Variants in PBX3 observed in about 807,000 individuals in gnomAD.
The protein encoded by PBX3 is pre-B-cell leukemia transcription factor 3.
In PBX3, 14 loss-of-function variants were observed where a neutral mutation model predicts 48.5. The observed-to-expected ratio is 0.29, with a 90% CI of 0.19 to 0.45. PBX3 has a LOEUF of 0.45. Among genes scored for constraint, PBX3 ranks in the 20% least tolerant of loss-of-function variants. PBX3 has a pLI of 1.00. For missense variants in PBX3, 386 were observed against 546.7 expected (o/e 0.71, Z 2.93); for synonymous variants, 210 against 200.3 (o/e 1.05, Z -0.41).
intron 2 of PBX3, among the ~76,000 whole-genome samples, chr9:125,847,319 G>T (rs1489983078): frequency 6.6e-6 from 1 of 151,828 alleles, no homozygotes; most frequent in Non-Finnish European, 1.5e-5. Flanking sequence ...TTACTGAGGG[G>T]TCTAGTTTGC....
In PBX3 at chr9:125,809,747, G is replaced by A. The variant is rs1588169024; in HGVS notation, c.274+61124G>A. 2.0e-5 allele frequency among the ~76,000 whole-genome samples: 3 copies of A among 152,096 alleles called. 1 individual carries two copies. Among genetic ancestry groups the A allele is most frequent in the South Asian group, 4.1e-4 (2 of 4,822 alleles). ...TTCTGATCATCAATGTAAACCATAAGGAAGAAATGAAAGTACAAGCCATGA... is the reference window on the plus strand; with the variant it reads ...TTCTGATCATCAATGTAAACCATAAAGAAGAAATGAAAGTACAAGCCATGA... On this transcript the variant is annotated intron_variant, in intron 2 of 8. Coordinates refer to ENST00000373489, the MANE Select transcript of PBX3 (RefSeq NM_006195.6).
At chr9:125,777,020 T>C (rs574062573) in intron 2 of PBX3, among the ~76,000 whole-genome samples, 4 of 151,486 alleles carry the variant, frequency 2.6e-5, no homozygotes, top group African/African-American at 4.8e-5. Context: ...CTTTTCTTTT[T>C]TTTTTTTGAG....
At chr9:125,776,547 C>A (rs1371360502) in intron 2 of PBX3, among the ~76,000 whole-genome samples, 2 of 152,076 alleles carry the variant, frequency 1.3e-5, no homozygotes, top group Non-Finnish European at 2.9e-5. Flanking sequence ...TACTTCTTTT[C>A]TTTTTTTAAA....
In PBX3 at chr9:125,892,372, C is replaced by T. The variant is rs1002468318; in HGVS notation, c.275-23314C>T. 5.9e-5 allele frequency among the ~76,000 whole-genome samples: 9 copies of T among 151,840 alleles called. No individual in the cohort carries two copies. In the East Asian group the frequency reaches 1.5e-3, roughly 26 times the overall value. On this transcript the variant is annotated intron_variant, in intron 2 of 8. Transcript: ENST00000373489. ...AGATTTTTATCTCTGAGATAAATTT[C>T]CAAAATAAGTTAATTTTTAAAATCA...
chr9:125,927,840 A>G (rs778723221), intron 3 of PBX3, among the ~76,000 whole-genome samples: 3 of 152,100 alleles, frequency 2.0e-5, no homozygotes, highest in Non-Finnish European at 2.9e-5. Context: ...AGAGTTTGAG[A>G]CAAGTCTGGG....
chr9:125,963,054 A>G lies in PBX3; in HGVS notation c.1165A>G (p.Ser389Gly), dbSNP rs376665042. The change falls in exon 8 of 9, where the codon AGT becomes GGT. Residue 389 changes from serine to glycine, a missense_variant. By Grantham distance (56) the Ser-to-Gly change is moderately conservative (BLOSUM62 0). Transcript: ENST00000373489. ...TGTTATCAATCAGACGGGAGGCTAC[A>G]GTGATGGCCTTGGAGGAAATTCACT... ...RHVINQTGGYSDGLGGNSLYS... is the reference protein window; with the variant it reads ...RHVINQTGGYGDGLGGNSLYS... 8.1e-6 allele frequency: 13 copies of G among 1,611,222 alleles called. No homozygotes were observed. Among genetic ancestry groups the G allele is most frequent in the Non-Finnish European group, 1.0e-5 (12 of 1,177,824 alleles).
chr9:125,957,772 C>T (rs896649302), intron 5 of PBX3, among the ~76,000 whole-genome samples: 4 of 152,180 alleles, frequency 2.6e-5, no homozygotes, highest in Non-Finnish European at 5.9e-5. Context: ...GGGGAATTTT[C>T]ATTAATTATG....
intron 2 of PBX3, among the ~76,000 whole-genome samples, chr9:125,752,674 T>TA (rs902377497): frequency 1.3e-5 from 2 of 152,194 alleles, no homozygotes; most frequent in African/African-American, 4.8e-5. Context: ...AAAAATCTGT[T>TA]ACATTTTTCT....
intron 1 of PBX3, chr9:125,748,330 C>G (rs1342662872): frequency 7.3e-6 from 9 of 1,231,442 alleles, no homozygotes; most frequent in Non-Finnish European, 9.2e-6. Flanking sequence ...TGCTGCCTGC[C>G]GGGCAGATGG....
intron 5 of PBX3, among the ~76,000 whole-genome samples, chr9:125,946,972 C>A (rs940359143): frequency 6.6e-6 from 1 of 152,154 alleles, no homozygotes; most frequent in African/African-American, 2.4e-5. Context: ...AACAACAATT[C>A]AATGACCACT....
intron 5 of PBX3, 96 bp from the exon 6 acceptor site, chr9:125,960,588 C>G: frequency 9.6e-7 from 1 of 1,043,514 alleles, no homozygotes; most frequent in Non-Finnish European, 1.5e-6. Flanking sequence ...AATTGTGTGT[C>G]TCCCAAGGTA....
chr9:125,862,440 G>A (rs749185000), intron 2 of PBX3, among the ~76,000 whole-genome samples: 1 of 152,124 alleles, frequency 6.6e-6, no homozygotes, highest in Non-Finnish European at 1.5e-5. Flanking sequence ...AGGCTGGAGT[G>A]CAGTGGCACA....
At chr9:125,804,917 A>AGATTTGGCTTAGATCAT (rs879326095) in intron 2 of PBX3, among the ~76,000 whole-genome samples, 1 of 147,048 alleles carries the variant, frequency 6.8e-6, no homozygotes. Context: ...ACTGCACTCC[A>AGATTTGGCTTAGATCAT]GCCTGGGTGA....
intron 2 of PBX3, among the ~76,000 whole-genome samples, chr9:125,860,395 T>C (rs1839832491): frequency 6.6e-6 from 1 of 152,170 alleles, no homozygotes; most frequent in Non-Finnish European, 1.5e-5. Context: ...CAGTAAATGG[T>C]ATGAATGACA....
At chr9:125,950,683 TG>T (rs1453262412) in intron 5 of PBX3, among the ~76,000 whole-genome samples, 4 of 152,146 alleles carry the variant, frequency 2.6e-5, no homozygotes, top group African/African-American at 9.7e-5. Flanking sequence ...GGTTTCACCA[TG>T]TTGGCCAGGC....
At position 125,766,620 on chromosome 9, in the gene PBX3, A is replaced by T. The variant is rs554855153; in HGVS notation, c.274+17997A>T. On this transcript the variant is annotated intron_variant, in intron 2 of 8. Coordinates refer to ENST00000373489, the MANE Select transcript of PBX3 (RefSeq NM_006195.6). ...TTTAGTACATTATAATGAAATCTTA[A>T]AGAGTAGATTTTGACAAGAGACATT... Among the ~76,000 whole-genome samples, 125 of 152,204 alleles carry T rather than the reference A, an allele frequency of 8.2e-4. 1 individual carries two copies. The highest frequency in any genetic ancestry group is 3.6e-3 in the Admixed American group (55 of 15,300).
Position 125,965,861 on chromosome 9 carries a change from C to A in PBX3, c.1243C>A (p.Pro415Thr), listed in dbSNP as rs746473969. 1 of 1,614,110 alleles carries A rather than the reference C, an allele frequency of 6.2e-7. No individual in the cohort carries two copies. The highest frequency in any genetic ancestry group is 8.5e-7 in the Non-Finnish European group (1 of 1,179,972). Reference protein sequence around the residue: ...ANGGWQDATTPSSVTSPTEGP... With the variant: ...ANGGWQDATTTSSVTSPTEGP... Reference sequence around the variant, plus strand: ...TGGAGGCTGGCAGGACGCAACAACTCCATCTTCTGTGACTTCTCCTACAGA... The same window carrying A: ...TGGAGGCTGGCAGGACGCAACAACTACATCTTCTGTGACTTCTCCTACAGA... The change falls in exon 9 of 9, where the codon CCA (proline) becomes ACA (threonine). Residue 415 changes from proline to threonine, a missense_variant. Pro to Thr is a conservative substitution (Grantham distance 38). This residue lies in a region of PBX3 where 127 missense variants were observed against 143.3 expected (regional missense o/e 0.89). Coordinates refer to ENST00000373489, the MANE Select transcript of PBX3 (RefSeq NM_006195.6).
intron 2 of PBX3, chr9:125,844,831 A>G (rs1400484800): frequency 1.3e-5 from 2 of 152,052 alleles, no homozygotes; most frequent in Non-Finnish European, 2.9e-5. Context: ...CAAAGGCTGA[A>G]CTTTTCTTAA....
chr9:125,888,225 G>A (rs1356696428), intron 2 of PBX3, among the ~76,000 whole-genome samples: 7 of 152,110 alleles, frequency 4.6e-5, no homozygotes, highest in African/African-American at 1.7e-4. Flanking sequence ...GGTCTGACGG[G>A]CTGCTTCCTG....
Sources: gnomAD v4.1 joint callset for allele counts (sites outside exome capture counted in the v4.1 genomes callset) on GRCh38, gnomAD v4.1.1 for gene constraint, gnomAD v4.1.1 regional missense constraint, MANE v1.5 for transcripts, NCBI Gene and HGNC (gene_info 2026-07-23, HGNC 2026-07-21) for gene names.